The following RABGEF1 variants were observed in gnomAD, a reference collection of about 807,000 sequenced individuals.
RABGEF1 encodes the protein RAB guanine nucleotide exchange factor 1, also known as rab5 GDP/GTP exchange factor.
RABGEF1 carries 26 observed loss-of-function variants against 57.3 expected under a neutral mutation model. That is an observed-to-expected ratio of 0.45 (90% confidence interval 0.33 to 0.63). The LOEUF (loss-of-function observed/expected upper bound fraction) is 0.63, where lower values mean the gene tolerates loss of function less well. Ranked by LOEUF, RABGEF1 falls within the 20% of genes least tolerant of loss-of-function variation. The pLI is 0.02. For synonymous variants in RABGEF1, 185 were observed against 210.7 expected (o/e 0.88, Z 1.06); for missense variants, 464 against 607.6 (o/e 0.76, Z 2.48).
intron 1 of RABGEF1, among the ~76,000 whole-genome samples, chr7:66,689,338 TA>T: frequency 6.6e-6 from 1 of 151,208 alleles, no homozygotes; most frequent in East Asian, 1.9e-4. Flanking sequence ...AAAACTCAAA[TA>T]GCCAAAATCA....
At chr7:66,773,850 G>C in intron 2 of RABGEF1, 1 of 418,826 alleles carries the variant, frequency 2.4e-6, no homozygotes, top group Non-Finnish European at 4.8e-6. Context: ...ATTTTATGTA[G>C]AGACAGGGTT....
intron 3 of RABGEF1, among the ~76,000 whole-genome samples, chr7:66,783,031 A>G (rs1205592878): frequency 1.3e-5 from 2 of 152,160 alleles, no homozygotes; most frequent in Non-Finnish European, 2.9e-5. Flanking sequence ...GAAGAGGGGA[A>G]AGAATTGTCT....
chr7:66,691,522 G>T (rs1791519105), intron 1 of RABGEF1, among the ~76,000 whole-genome samples: 1 of 152,094 alleles, frequency 6.6e-6, no homozygotes, highest in Non-Finnish European at 1.5e-5. Flanking sequence ...TATACACATG[G>T]TCTGTGACTT....
At chr7:66,775,618 G>C (rs1464772491) in intron 3 of RABGEF1, among the ~76,000 whole-genome samples, 1 of 152,204 alleles carries the variant, frequency 6.6e-6, no homozygotes, top group Non-Finnish European at 1.5e-5. Context: ...GAGGAATCAA[G>C]AGAATTGAAA....
At chr7:66,759,693 G>A (rs1339342293) in intron 1 of RABGEF1, among the ~76,000 whole-genome samples, 1 of 152,180 alleles carries the variant, frequency 6.6e-6, no homozygotes, top group Non-Finnish European at 1.5e-5. Flanking sequence ...AGGAGCAAGA[G>A]AGAAGGTGCT....
chr7:66,786,696 G>T (rs554190047), intron 4 of RABGEF1, among the ~76,000 whole-genome samples: 21 of 152,198 alleles, frequency 1.4e-4, no homozygotes, highest in African/African-American at 4.3e-4. Flanking sequence ...GAGCCACCGC[G>T]CCCAGTGCTA....
At chr7:66,715,843 T>C (rs1312341073) in intron 2 of RABGEF1, among the ~76,000 whole-genome samples, 2 of 152,146 alleles carry the variant, frequency 1.3e-5, no homozygotes, top group African/African-American at 4.8e-5. Context: ...AGTCTCCAAC[T>C]CCTGGGTTCA....
intron 1 of RABGEF1, among the ~76,000 whole-genome samples, chr7:66,700,487 C>CGGAGGGGGAGGCGGGTAGTTGGGG (rs35510019): frequency 7.3e-6 from 1 of 137,198 alleles, no homozygotes; most frequent in African/African-American, 2.7e-5. Flanking sequence ...AAGCGGGCCC[C>CGGAGGGGGAGGCGGGTAGTTGGGG]GGAGGGGGAG....
the RABGEF1 span, chr7:66,668,989 G>A: frequency 6.6e-6 from 1 of 152,264 alleles, no homozygotes; most frequent in Non-Finnish European, 1.5e-5. Flanking sequence ...GGAGCTTGCG[G>A]GCTAGCTAGA....
intron 8 of RABGEF1, among the ~76,000 whole-genome samples, chr7:66,806,537 TCA>T (rs2129193182): frequency 6.6e-6 from 1 of 152,214 alleles, no homozygotes; most frequent in African/African-American, 2.4e-5. Flanking sequence ...TTACCTTTAT[TCA>T]CACTGTTTTC....
intron 8 of RABGEF1, among the ~76,000 whole-genome samples, chr7:66,808,509 C>T (rs556588101): frequency 7.9e-5 from 12 of 152,252 alleles, no homozygotes; most frequent in East Asian, 1.9e-4. Context: ...GCACCGGGCC[C>T]GGTCTGGAGC....
At chr7:66,799,879 A>G (rs1786876727) in intron 7 of RABGEF1, among the ~76,000 whole-genome samples, 1 of 152,094 alleles carries the variant, frequency 6.6e-6, no homozygotes, top group East Asian at 1.9e-4. Flanking sequence ...GAGAAGCGCT[A>G]TGAGTTATTT....
At chr7:66,654,712 G>C in the RABGEF1 span, 1 of 152,612 alleles carries the variant, frequency 6.6e-6, no homozygotes, top group Admixed American at 6.5e-5. Flanking sequence ...CGTGGGCGGC[G>C]GGGCGGTCGG....
intron 1 of RABGEF1, among the ~76,000 whole-genome samples, chr7:66,696,528 A>G (rs1178134718): frequency 6.6e-6 from 1 of 151,884 alleles, no homozygotes; most frequent in East Asian, 1.9e-4. Context: ...TGTCTCTACT[A>G]AAAATACAAA....
Position 66,797,364 on chromosome 7 carries a change from G to A in RABGEF1, c.596-10G>A. On this transcript the variant is annotated splice_polypyrimidine_tract_variant and intron_variant, in intron 5 of 8. Transcript: ENST00000284957. ...TATATCTTGATCTTTTCTCTGTCTGGTTATTTCAGTGCCTCCAGAAAGAGT... is the reference window on the plus strand; with the variant it reads ...TATATCTTGATCTTTTCTCTGTCTGATTATTTCAGTGCCTCCAGAAAGAGT... 6.3e-7 allele frequency: 1 copy of A among 1,598,204 alleles called. No homozygotes were observed. The highest frequency in any genetic ancestry group is 8.5e-7 in the Non-Finnish European group (1 of 1,174,412).
intron 2 of RABGEF1, among the ~76,000 whole-genome samples, chr7:66,722,068 G>T (rs550207958): frequency 6.6e-6 from 1 of 152,298 alleles, no homozygotes; most frequent in East Asian, 1.9e-4. Context: ...TAGGCAGGAA[G>T]ATCACTTGAG....
chr7:66,750,053 C>T (rs1027570915), intron 1 of RABGEF1, among the ~76,000 whole-genome samples: 27 of 152,078 alleles, frequency 1.8e-4, no homozygotes, highest in Admixed American at 1.4e-3. Flanking sequence ...CGAGATAATA[C>T]GTTTGGGTCC....
intron 1 of RABGEF1, among the ~76,000 whole-genome samples, chr7:66,709,494 A>G (rs1213317740): frequency 2.0e-5 from 3 of 152,138 alleles, no homozygotes; most frequent in Non-Finnish European, 4.4e-5. Flanking sequence ...TACCATAGAA[A>G]ATATTCAAAT....
intron 1 of RABGEF1, among the ~76,000 whole-genome samples, chr7:66,749,932 C>G (rs896246930): frequency 6.6e-6 from 1 of 152,156 alleles, no homozygotes; most frequent in Non-Finnish European, 1.5e-5. Context: ...CGAGATCGCA[C>G]CACTGCACTC....
Sources: allele counts gnomAD v4.1 joint callset (sites outside exome capture counted in the v4.1 genomes callset), GRCh38; gene constraint gnomAD v4.1.1; transcripts MANE v1.5; gene names NCBI Gene and HGNC (gene_info 2026-07-23, HGNC 2026-07-21).